The following ACAT1 variants were observed in gnomAD, a reference collection of about 807,000 sequenced individuals.
The protein encoded by ACAT1 is acetyl-CoA acetyltransferase 1.
A neutral mutation model predicts 47.3 loss-of-function variants in ACAT1; 28 were observed. The ratio of observed to expected loss-of-function variants is 0.59; its 90% CI spans 0.44 to 0.81. The LOEUF is 0.81. ACAT1 is among the 30% of genes least tolerant of loss of function. The pLI is 0.00. For synonymous variants in ACAT1, 181 were observed against 173.6 expected, an observed-to-expected ratio of 1.04 and a Z score of -0.34; for missense variants, 469 against 524.3, an observed-to-expected ratio of 0.89 and a Z score of 1.03.
chr11:108,134,004 G>A (rs990815700), intron 3 of ACAT1, 67 bp downstream of exon 3: 2 of 1,425,376 alleles, frequency 1.4e-6, no homozygotes, highest in African/African-American at 2.8e-5. Context: ...TATTTATTTT[G>A]CATTAACTAT....
intron 2 of ACAT1, 98 bp from the exon 3 acceptor site, chr11:108,133,722 T>A: frequency 1.0e-6 from 1 of 985,312 alleles, no homozygotes; most frequent in East Asian, 2.7e-5. Context: ...TGATGACTCA[T>A]TCATAGAAGT....
Position 108,141,586 on chromosome 11 carries a change from T to C in ACAT1, c.731-19T>C. On this transcript the variant is annotated intron_variant, in intron 7 of 11. Coordinates refer to ENST00000265838, the MANE Select transcript of ACAT1 (RefSeq NM_000019.4). ...ACTACTTGTTTTGAGCGATTTTACT[T>C]AAAATATTTTTATTTTAGGTCAACC... The C allele has an allele frequency of 6.3e-7, 1 of 1,594,198 alleles. No homozygotes were observed. Among genetic ancestry groups the C allele is most frequent in the East Asian group, 2.2e-5 (1 of 44,682 alleles).
chr11:108,134,512 G>A (rs752194461), intron 4 of ACAT1, 196 bp downstream of exon 4: 2 of 410,900 alleles, frequency 4.9e-6, no homozygotes, highest in Non-Finnish European at 9.1e-6. Flanking sequence ...GTGTGGTGGT[G>A]CACTAATCCC....
intron 9 of ACAT1, chr11:108,143,032 G>A: frequency 6.0e-6 from 1 of 166,888 alleles, no homozygotes; most frequent in South Asian, 1.5e-4. Flanking sequence ...AGCTTTAAGG[G>A]CTGGGCACAG....
At chr11:108,137,876 G>A (rs555319161) in intron 5 of ACAT1, among the ~76,000 whole-genome samples, 1 of 152,216 alleles carries the variant, frequency 6.6e-6, no homozygotes, top group South Asian at 2.1e-4. Flanking sequence ...GAGCCCAAAA[G>A]GCAGAGATTG....
upstream of ACAT1, among the ~76,000 whole-genome samples, chr11:108,118,460 C>T (rs1360179467): frequency 6.6e-6 from 1 of 152,026 alleles, no homozygotes; most frequent in Non-Finnish European, 1.5e-5. Context: ...CTGCAAGCTC[C>T]GCTTCCTGGG....
Position 108,138,911 on chromosome 11 carries a change from C to T in ACAT1, c.449C>T (p.Ala150Val), listed in dbSNP as rs149522535. 1 of 1,614,082 alleles carries T rather than the reference C, an allele frequency of 6.2e-7. No individual in the cohort carries two copies. The highest frequency in any genetic ancestry group is 8.5e-7 in the Non-Finnish European group (1 of 1,180,022). The change falls in exon 6 of 12, where the codon GCA (alanine) becomes GTA (valine). Residue 150 changes from alanine to valine, a missense_variant. Coordinates refer to ENST00000265838, the MANE Select transcript of ACAT1 (RefSeq NM_000019.4). ...LMCGHQDVMV[A>V]GGMESMSNVP... is the part of the protein sequence containing the mutation. The stretch of plus-strand genomic sequence containing the variant: ...GTTTCTGCGCAGGATGTGATGGTGG[C>T]AGGTGGGATGGAGAGCATGTCCAAT...
At chr11:108,129,620 G>T (rs146331027) in intron 1 of ACAT1, among the ~76,000 whole-genome samples, 1 of 152,136 alleles carries the variant, frequency 6.6e-6, no homozygotes, top group Non-Finnish European at 1.5e-5. Context: ...GCCCGCCTCA[G>T]CCTCCTAAAG....
upstream of ACAT1, among the ~76,000 whole-genome samples, chr11:108,118,621 T>G (rs996642602): frequency 2.0e-5 from 3 of 152,154 alleles, no homozygotes; most frequent in Non-Finnish European, 4.4e-5. Context: ...CCGCCTGCCT[T>G]GGCCTCCTAA....
chr11:108,144,341 C>T (rs548652999), intron 10 of ACAT1: 7 of 392,292 alleles, frequency 1.8e-5, no homozygotes, highest in South Asian at 9.3e-5. Flanking sequence ...AACCACAAAG[C>T]GGAGGGAATG....
rs200210306 is a variant in ACAT1 at position 108,142,462 on chromosome 11, T to C, written c.852T>C (p.Ser284=). 6 of 1,614,138 alleles carry C rather than the reference T, an allele frequency of 3.7e-6. No homozygotes were observed. Among genetic ancestry groups the C allele is most frequent in the Non-Finnish European group, 5.1e-6 (6 of 1,179,998 alleles). ...GCACAGTAACAGCTGCCAATGCCAG[T>C]ACACTGAATGATGGAGCAGCTGCTC... ...ENGTVTAANA[S]TLNDGAAALV... Residue 284 remains serine, a synonymous_variant, in exon 9 of 12, where the codon AGT becomes AGC. Transcript: ENST00000265838.
Position 108,121,583 on chromosome 11 carries a change from G to GAA in ACAT1, c.-24_-23insAA. The GAA allele has an allele frequency of 1.3e-6, 2 of 1,549,656 alleles. No homozygotes were observed. The highest frequency in any genetic ancestry group is 1.7e-6 in the Non-Finnish European group (2 of 1,146,418). On this transcript the variant is annotated 5_prime_UTR_variant, in exon 1 of 12. Coordinates refer to ENST00000265838, the MANE Select transcript of ACAT1 (RefSeq NM_000019.4). ...GAGGCCGCTAGTCTACGCCTGTGGA[G>GAA]CCGATACTCAGCCCTCTGCGACCAT...
rs775103464 is a variant in ACAT1, at chr11:108,142,509, C to A, written c.899C>A (p.Ala300Glu). 1.9e-6 allele frequency: 3 copies of A among 1,614,112 alleles called. No homozygotes were observed. Among genetic ancestry groups the A allele is most frequent in the Non-Finnish European group, 2.5e-6 (3 of 1,180,010 alleles). The change falls in exon 9 of 12, where the codon GCA becomes GAA. Residue 300 changes from alanine (A) to glutamate (E), a missense_variant. By Grantham distance (107) the Ala-to-Glu change is moderately radical. Coordinates refer to ENST00000265838, the MANE Select transcript of ACAT1 (RefSeq NM_000019.4). ...AAALVLMTAD[A>E]AKRLNVTPLA... ...GCTCTGGTTCTCATGACGGCAGATG[C>A]AGCGAAGAGGCTCAATGTTACACCA... is the stretch of plus-strand genomic sequence containing the variant.
At chr11:108,144,120 A>T in intron 10 of ACAT1, 73 bp downstream of exon 10, 1 of 1,541,024 alleles carries the variant, frequency 6.5e-7, no homozygotes. Context: ...TGCAGTTTTT[A>T]AGATTTTAAA....
At position 108,141,907 on chromosome 11, in the gene ACAT1, G is replaced by T. The variant is rs547253795; in HGVS notation, c.826+207G>T. On this transcript the variant is annotated intron_variant, in intron 8 of 11. Transcript: ENST00000265838. ...GGAAGATATGTATAACATGACTATA[G>T]AATTCAGTTTTTCATATGTAGCAGT... Among the ~76,000 whole-genome samples, 84 of 152,000 alleles carry T rather than the reference G, an allele frequency of 5.5e-4. 1 individual carries two copies. Among genetic ancestry groups the T allele is most frequent in the African/African-American group, 2.0e-3 (83 of 41,468 alleles).
rs1565288438 is a variant in ACAT1, at chr11:108,133,880, TTGC to T, written c.185_187del (p.Leu62del). 6.2e-7 allele frequency: 1 copy of T among 1,614,158 alleles called. No homozygotes were observed. The highest frequency in any genetic ancestry group is 8.5e-7 in the Non-Finnish European group (1 of 1,180,022). ...TGGATCTTTTTTAGGCAGCCTTTCC[TTGC>T]TGCCAGCCACTAAGCTTGGTTCCAT... On this transcript the variant is annotated inframe_deletion, in exon 3 of 12. Transcript: ENST00000265838.
chr11:108,124,116 T>TTGTC (rs1343290772), intron 1 of ACAT1, among the ~76,000 whole-genome samples: 1 of 152,092 alleles, frequency 6.6e-6, no homozygotes, highest in East Asian at 1.9e-4. Context: ...CCAGAATAAT[T>TTGTC]TGTCTGTCTG....
intron 10 of ACAT1, 177 bp downstream of exon 10, chr11:108,144,224 A>T: frequency 3.0e-6 from 2 of 670,782 alleles, no homozygotes; most frequent in Admixed American, 5.6e-5. Flanking sequence ...CAAACAAAAA[A>T]AAAAAAATAA....
intron 4 of ACAT1, among the ~76,000 whole-genome samples, chr11:108,134,625 G>A (rs2077428001): frequency 7.6e-6 from 1 of 131,776 alleles, no homozygotes; most frequent in Non-Finnish European, 1.6e-5. Context: ...GCGACAGAGT[G>A]AGATTCTGTC....
Sources: gnomAD v4.1 joint callset for allele counts (sites outside exome capture counted in the v4.1 genomes callset) on GRCh38, gnomAD v4.1.1 for gene constraint, MANE v1.5 for transcripts, NCBI Gene and HGNC (gene_info 2026-07-23, HGNC 2026-07-21) for gene names.